PCDH11Y: variants seen among roughly 807,000 people sequenced by gnomAD.
PCDH11Y encodes the protein protocadherin 11 Y-linked, also known as protocadherin-11 Y-linked.
For synonymous variants in PCDH11Y, 9 were observed against 83.6 expected (o/e 0.11, Z 4.87); for missense variants, 12 against 224.8 (o/e 0.05, Z 6.05).
chrY:5,376,454 C>T (rs2053197980), intron 2 of PCDH11Y, among the ~76,000 whole-genome samples: 1 of 33,515 alleles, frequency 3.0e-5, no homozygotes, highest in Non-Finnish European at 7.4e-5. Context: ...TGAGCCACCA[C>T]GCCCGGCCTA....
At chrY:5,354,540 T>G in intron 2 of PCDH11Y, among the ~76,000 whole-genome samples, 2 of 32,721 alleles carry the variant, frequency 6.1e-5, no homozygotes, top group Admixed American at 5.8e-4. Context: ...TGAGATAGTT[T>G]GTACTTTTCG....
At chrY:5,626,218 G>T (rs2053507096) in intron 4 of PCDH11Y, among the ~76,000 whole-genome samples, 1 of 32,303 alleles carries the variant, frequency 3.1e-5, no homozygotes, top group Non-Finnish European at 7.5e-5. Flanking sequence ...GTCTCTGAGG[G>T]TTTTTTGTAT....
chrY:5,525,929 G>GTC (rs2053387190), intron 3 of PCDH11Y, among the ~76,000 whole-genome samples: 3 of 29,440 alleles, frequency 1.0e-4, no homozygotes, highest in South Asian at 7.9e-4. Flanking sequence ...TCAAAAAACA[G>GTC]TCTCTCTCTC....
intron 2 of PCDH11Y, among the ~76,000 whole-genome samples, chrY:5,263,315 T>A: frequency 3.4e-5 from 1 of 29,726 alleles, no homozygotes; most frequent in East Asian, 9.1e-4. Flanking sequence ...GGGAGGTGAT[T>A]GAAATGGGGA....
At chrY:5,713,385 C>T (rs2053587749) in intron 4 of PCDH11Y, among the ~76,000 whole-genome samples, 1 of 32,593 alleles carries the variant, frequency 3.1e-5, no homozygotes, top group South Asian at 6.9e-4. Context: ...ATTAAATACT[C>T]TAAAGTCCAA....
At chrY:5,557,617 A>AGT (rs2053424196) in intron 3 of PCDH11Y, among the ~76,000 whole-genome samples, 1 of 34,315 alleles carries the variant, frequency 2.9e-5, no homozygotes, top group Admixed American at 2.6e-4. Context: ...AACCACAAAC[A>AGT]GTGGTAGTTT....
intron 2 of PCDH11Y, among the ~76,000 whole-genome samples, chrY:5,309,080 C>CA (rs2053093876): frequency 3.3e-3 from 51 of 15,259 alleles, no homozygotes; most frequent in Admixed American, 9.7e-3. Flanking sequence ...AACACAGTCT[C>CA]AAAAAAAAAA....
chrY:5,367,837 A>G, intron 2 of PCDH11Y, among the ~76,000 whole-genome samples: 1 of 30,332 alleles, frequency 3.3e-5, no homozygotes, highest in South Asian at 7.9e-4. Flanking sequence ...ACATCTACAC[A>G]TACACAAACC....
At chrY:5,447,553 G>A in intron 2 of PCDH11Y, among the ~76,000 whole-genome samples, 1 of 31,549 alleles carries the variant, frequency 3.2e-5, no homozygotes, top group African/African-American at 1.2e-4. Context: ...CTACCTGTTC[G>A]AGACAGCATT....
intron 4 of PCDH11Y, among the ~76,000 whole-genome samples, chrY:5,626,184 C>G: frequency 3.1e-5 from 1 of 32,082 alleles, no homozygotes; most frequent in Admixed American, 2.9e-4. Context: ...TTTCTATTTT[C>G]TGTGCATTCA....
intron 4 of PCDH11Y, among the ~76,000 whole-genome samples, chrY:5,599,255 T>C: frequency 3.1e-5 from 1 of 32,518 alleles, no homozygotes; most frequent in African/African-American, 1.2e-4. Flanking sequence ...GATTCACTGA[T>C]TGAATGGTAC....
chrY:5,627,860 A>G (rs2053508952), intron 4 of PCDH11Y, among the ~76,000 whole-genome samples: 1 of 33,046 alleles, frequency 3.0e-5, no homozygotes, highest in Non-Finnish European at 7.5e-5. Context: ...ACAGAAATAC[A>G]CCCACAATTT....
At chrY:5,065,550 T>C (rs1279425041) in intron 1 of PCDH11Y, among the ~76,000 whole-genome samples, 35 of 33,148 alleles carry the variant, frequency 1.1e-3, no homozygotes, top group Non-Finnish European at 1.9e-3. Flanking sequence ...TAAGACTTGA[T>C]GCTTCATACT....
At chrY:5,135,181 A>C in intron 2 of PCDH11Y, among the ~76,000 whole-genome samples, 1 of 33,368 alleles carries the variant, frequency 3.0e-5, no homozygotes, top group Non-Finnish European at 7.4e-5. Context: ...AGGAGCCCTC[A>C]GGAAAGGTGG....
At chrY:5,142,903 G>A in intron 2 of PCDH11Y, among the ~76,000 whole-genome samples, 1 of 33,652 alleles carries the variant, frequency 3.0e-5, no homozygotes, top group African/African-American at 1.2e-4. Flanking sequence ...GGGTACTTCC[G>A]TGAAAGTGAT....
At chrY:5,710,609 A>G in intron 4 of PCDH11Y, among the ~76,000 whole-genome samples, 1 of 33,255 alleles carries the variant, frequency 3.0e-5, no homozygotes, top group South Asian at 6.8e-4. Context: ...TTCGTCAGTT[A>G]CAAACTATGC....
intron 2 of PCDH11Y, among the ~76,000 whole-genome samples, chrY:5,157,147 ATTTG>A (rs2052870402): frequency 3.0e-5 from 1 of 33,127 alleles, no homozygotes. Flanking sequence ...TCGCTAGTTT[ATTTG>A]TTTGTTGACA....
intron 4 of PCDH11Y, among the ~76,000 whole-genome samples, chrY:5,658,946 A>G: frequency 3.0e-5 from 1 of 33,513 alleles, no homozygotes; most frequent in Non-Finnish European, 7.4e-5. Context: ...CTTGTTTTAC[A>G]TCTGTCCTTT....
intron 4 of PCDH11Y, among the ~76,000 whole-genome samples, chrY:5,698,887 G>A: frequency 3.0e-5 from 1 of 33,493 alleles, no homozygotes; most frequent in Non-Finnish European, 7.4e-5. Context: ...TGGAGAGGAG[G>A]CACTGTGGCT....
Sources: gnomAD v4.1 joint callset for allele counts (sites outside exome capture counted in the v4.1 genomes callset) on GRCh38, gnomAD v4.1.1 for gene constraint, MANE v1.5 for transcripts, NCBI Gene and HGNC (gene_info 2026-07-23, HGNC 2026-07-21) for gene names.